The following SYT1 variants were observed in gnomAD, a reference collection of about 807,000 sequenced individuals.
SYT1 encodes synaptotagmin 1.
In SYT1, 8 loss-of-function variants were observed where a neutral mutation model predicts 44.8. That is an observed-to-expected ratio of 0.18 (90% confidence interval 0.10 to 0.32). The LOEUF (loss-of-function observed/expected upper bound fraction) is 0.32. Ranked by LOEUF, SYT1 falls within the 10% of genes least tolerant of loss-of-function variation. The pLI is 1.00. For missense variants in SYT1, 286 were observed against 509.3 expected, an observed-to-expected ratio of 0.56 and a Z score of 4.22; for synonymous variants, 154 against 188.8, an observed-to-expected ratio of 0.82 and a Z score of 1.51.
intron 4 of SYT1, among the ~76,000 whole-genome samples, chr12:79,251,001 T>C (rs1877177467): frequency 1.3e-5 from 2 of 152,144 alleles, no homozygotes; most frequent in Admixed American, 6.5e-5. Flanking sequence ...GTGCCTACCA[T>C]GTGACAGCAT....
intron 4 of SYT1, among the ~76,000 whole-genome samples, chr12:79,257,122 C>A (rs1055449448): frequency 6.6e-6 from 1 of 152,090 alleles, no homozygotes; most frequent in Admixed American, 6.6e-5. Context: ...TATCAAAATT[C>A]AATTTTATCT....
intron 8 of SYT1, among the ~76,000 whole-genome samples, chr12:79,334,411 AG>A (rs1476154179): frequency 6.6e-6 from 1 of 152,190 alleles, no homozygotes; most frequent in African/African-American, 2.4e-5. Flanking sequence ...GGGTTTGGGA[AG>A]GTGTTACAGA....
At chr12:79,052,763 T>A (rs1245834670) in intron 3 of SYT1, among the ~76,000 whole-genome samples, 1 of 152,064 alleles carries the variant, frequency 6.6e-6, no homozygotes, top group African/African-American at 2.4e-5. Context: ...AAAATGCTCA[T>A]CATCACTGGC....
chr12:79,400,741 G>A (rs752659317), intron 9 of SYT1, among the ~76,000 whole-genome samples: 1 of 152,198 alleles, frequency 6.6e-6, no homozygotes, highest in Admixed American at 6.5e-5. Flanking sequence ...TGAAAGGCAG[G>A]TGTTGTTCTG....
intron 9 of SYT1, among the ~76,000 whole-genome samples, chr12:79,414,534 G>A (rs554823427): frequency 1.3e-5 from 2 of 152,022 alleles, no homozygotes; most frequent in African/African-American, 2.4e-5. Flanking sequence ...CTCCTTTATC[G>A]CACAAAGAAG....
chr12:79,149,904 A>G (rs1870161219), intron 3 of SYT1, among the ~76,000 whole-genome samples: 2 of 152,174 alleles, frequency 1.3e-5, no homozygotes, highest in African/African-American at 4.8e-5. Flanking sequence ...TTTCTGACAC[A>G]TAGTAGCTGA....
intron 4 of SYT1, among the ~76,000 whole-genome samples, chr12:79,251,688 G>T (rs1592899113): frequency 1.3e-5 from 2 of 152,124 alleles, no homozygotes; most frequent in African/African-American, 4.8e-5. Flanking sequence ...TCCTTCCATG[G>T]ACAGTAAAAA....
intron 9 of SYT1, 72 bp downstream of exon 9, chr12:79,353,691 G>T: frequency 9.2e-7 from 1 of 1,092,352 alleles, no homozygotes; most frequent in African/African-American, 1.5e-5. Context: ...TGGCGCACAT[G>T]CTGCGACTCC....
intron 4 of SYT1, among the ~76,000 whole-genome samples, chr12:79,281,911 G>A (rs759833481): frequency 5.3e-5 from 8 of 152,120 alleles, no homozygotes; most frequent in Non-Finnish European, 1.2e-4. Context: ...TGAAATCAAG[G>A]CGTCAGCAGG....
intron 4 of SYT1, among the ~76,000 whole-genome samples, chr12:79,221,995 A>G (rs970744336): frequency 6.6e-6 from 1 of 151,886 alleles, no homozygotes; most frequent in Non-Finnish European, 1.5e-5. Context: ...GTGGTAATGA[A>G]CTCCCACAAC....
At chr12:78,873,955 A>C (rs1873940330) in intron 1 of SYT1, among the ~76,000 whole-genome samples, 1 of 151,718 alleles carries the variant, frequency 6.6e-6, no homozygotes, top group Admixed American at 6.6e-5. Flanking sequence ...ATCTGATTTA[A>C]GAAAACAGGA....
chr12:78,981,852 AGTATTTT>A (rs1869288412), intron 2 of SYT1, among the ~76,000 whole-genome samples: 1 of 152,180 alleles, frequency 6.6e-6, no homozygotes, highest in African/African-American at 2.4e-5. Flanking sequence ...TTTGAATTTT[AGTATTTT>A]GTATTTTACC....
intron 3 of SYT1, among the ~76,000 whole-genome samples, chr12:79,079,670 C>A (rs1260499448): frequency 6.6e-6 from 1 of 151,840 alleles, no homozygotes. Context: ...ACCACAGAAC[C>A]TTTGAAACAT....
intron 1 of SYT1, among the ~76,000 whole-genome samples, chr12:78,918,223 C>T (rs771869525): frequency 2.0e-5 from 3 of 152,034 alleles, no homozygotes; most frequent in African/African-American, 4.8e-5. Context: ...CAAGGCTATG[C>T]ACCATACATG....
chr12:79,352,195 CCAA>C (rs986575207), intron 8 of SYT1, among the ~76,000 whole-genome samples: 4 of 140,522 alleles, frequency 2.8e-5, no homozygotes, highest in African/African-American at 5.4e-5. Context: ...CACCCCCCCC[CCAA>C]AAAAAAAACG....
intron 2 of SYT1, among the ~76,000 whole-genome samples, chr12:78,984,245 T>C (rs947383711): frequency 1.3e-5 from 2 of 151,940 alleles, no homozygotes; most frequent in Non-Finnish European, 2.9e-5. Context: ...TTTAATTCCC[T>C]GGACAATTTA....
intron 1 of SYT1, among the ~76,000 whole-genome samples, chr12:78,904,417 G>GA (rs1875840895): frequency 6.6e-6 from 1 of 151,922 alleles, no homozygotes; most frequent in African/African-American, 2.4e-5. Flanking sequence ...ACCTACTCTG[G>GA]AAAAAAATAA....
intron 9 of SYT1, among the ~76,000 whole-genome samples, chr12:79,372,729 A>G (rs540129622): frequency 6.6e-6 from 1 of 152,318 alleles, no homozygotes; most frequent in South Asian, 2.1e-4. Flanking sequence ...TTCCAGGGCT[A>G]AGTCACCTTC....
chr12:79,273,481 A>G (rs61928766), intron 4 of SYT1, among the ~76,000 whole-genome samples: 9 of 152,178 alleles, frequency 5.9e-5, no homozygotes, highest in Non-Finnish European at 1.3e-4. Context: ...CTTCACTTTC[A>G]AAGGAGCAGT....
Sources: gnomAD v4.1 joint callset for allele counts (sites outside exome capture counted in the v4.1 genomes callset) on GRCh38, gnomAD v4.1.1 for gene constraint, MANE v1.5 for transcripts, NCBI Gene and HGNC (gene_info 2026-07-23, HGNC 2026-07-21) for gene names.